The following SLC35G2 variants were observed in gnomAD, a reference collection of about 807,000 sequenced individuals.
SLC35G2 encodes solute carrier family 35 member G2, also known as transmembrane protein 22.
Under a neutral mutation model 27.2 loss-of-function variants are expected in SLC35G2, and 20 were observed. That is an observed-to-expected ratio of 0.74 (90% confidence interval 0.52 to 1.07). The LOEUF is 1.07. SLC35G2 is among the 50% of genes least tolerant of loss of function. SLC35G2 has a pLI of 0.00. For missense variants in SLC35G2, 416 were observed against 493.3 expected (o/e 0.84, Z 1.48); for synonymous variants, 148 against 165.3 (o/e 0.90, Z 0.80).
chr3:136,831,949 C>A (rs1936739838), intron 1 of SLC35G2, among the ~76,000 whole-genome samples: 1 of 150,630 alleles, frequency 6.6e-6, no homozygotes, highest in Non-Finnish European at 1.5e-5. Flanking sequence ...AATAATTATT[C>A]CTGTTAGAGC....
chr3:136,820,617 T>C (rs777974425), intron 1 of SLC35G2: 1 of 152,252 alleles, frequency 6.6e-6, no homozygotes, highest in Non-Finnish European at 1.5e-5. Flanking sequence ...TACAGGTATG[T>C]GCATTTACGC....
intron 1 of SLC35G2, among the ~76,000 whole-genome samples, chr3:136,849,971 G>C (rs1937574402): frequency 1.3e-5 from 2 of 152,134 alleles, no homozygotes; most frequent in South Asian, 4.1e-4. Flanking sequence ...GCCAGGCGTA[G>C]TGGCACATGC....
At chr3:136,834,058 CATT>C (rs1238809712) in intron 1 of SLC35G2, among the ~76,000 whole-genome samples, 3 of 151,830 alleles carry the variant, frequency 2.0e-5, no homozygotes, top group African/African-American at 7.3e-5. Context: ...TGCATATTCT[CATT>C]ATCACCAGAT....
chr3:136,833,455 G>A (rs947614579), intron 1 of SLC35G2, among the ~76,000 whole-genome samples: 1 of 152,172 alleles, frequency 6.6e-6, no homozygotes, highest in African/African-American at 2.4e-5. Flanking sequence ...ATGCTGTAGA[G>A]CAGTCATCCC....
chr3:136,842,361 T>C (rs1238305654), intron 1 of SLC35G2: 1 of 152,218 alleles, frequency 6.6e-6, no homozygotes, highest in Non-Finnish European at 1.5e-5. Flanking sequence ...GATTTAAAGC[T>C]CTTCAATGAT....
Position 136,854,823 on chromosome 3 carries a change from C to G in SLC35G2, c.363C>G (p.Ile121Met). Residue 121 changes from isoleucine to methionine, a missense_variant, in exon 2 of 2, where the codon ATC becomes ATG. Physicochemically the swap from Ile to Met is conservative, Grantham distance 10. Coordinates refer to ENST00000446465, the MANE Select transcript of SLC35G2 (RefSeq NM_025246.3). ...SALAHGCVALITRLVSDRSKV... is the reference protein window; with the variant it reads ...SALAHGCVALMTRLVSDRSKV... The stretch of plus-strand genomic sequence containing the variant: ...TGGCTCATGGATGTGTAGCTCTTAT[C>G]ACTAGGCTTGTTTCTGATCGGTCTA... 6.2e-7 allele frequency: 1 copy of G among 1,614,158 alleles called. No homozygotes were observed. The highest frequency in any genetic ancestry group is 8.5e-7 in the Non-Finnish European group (1 of 1,180,030).
chr3:136,848,494 C>T (rs557774759), intron 1 of SLC35G2, among the ~76,000 whole-genome samples: 74 of 152,150 alleles, frequency 4.9e-4, no homozygotes, highest in Non-Finnish European at 2.9e-5. Context: ...TGGCAGGCAT[C>T]TGAAGCCCCA....
At chr3:136,826,489 A>G (rs1936589413) in intron 1 of SLC35G2, among the ~76,000 whole-genome samples, 1 of 152,032 alleles carries the variant, frequency 6.6e-6, no homozygotes, top group Non-Finnish European at 1.5e-5. Flanking sequence ...TCATGGATCA[A>G]TCTTGGTGTT....
chr3:136,824,124 C>G (rs1936528760), intron 1 of SLC35G2, among the ~76,000 whole-genome samples: 1 of 152,106 alleles, frequency 6.6e-6, no homozygotes, highest in South Asian at 2.1e-4. Context: ...GTTACTATAG[C>G]TCTGTAGTAT....
At chr3:136,835,951 AT>A (rs1341975940) in intron 1 of SLC35G2, among the ~76,000 whole-genome samples, 1 of 151,928 alleles carries the variant, frequency 6.6e-6, no homozygotes. Context: ...CTCTTCTGGT[AT>A]TTTTTCTGCC....
In SLC35G2 at chr3:136,855,687, T is replaced by A. The variant is rs752342573; in HGVS notation, c.1227T>A (p.Ser409=). The A allele has an allele frequency of 1.3e-6, 2 of 1,595,128 alleles. No individual in the cohort carries two copies. Among genetic ancestry groups the A allele is most frequent in the Admixed American group, 3.3e-5 (2 of 59,854 alleles). The part of the protein sequence containing the change: ...RKQDYQEILD[S]PIK ...AGGACTACCAGGAAATACTAGACTCTCCCATTAAATGAATACCTGATTATT... is the reference window on the plus strand; with the variant it reads ...AGGACTACCAGGAAATACTAGACTCACCCATTAAATGAATACCTGATTATT... The change falls in exon 2 of 2, where the codon TCT becomes TCA. Residue 409 remains serine, a synonymous_variant. Coordinates refer to ENST00000446465, the MANE Select transcript of SLC35G2 (RefSeq NM_025246.3).
chr3:136,840,738 C>T (rs1179565912), intron 1 of SLC35G2, among the ~76,000 whole-genome samples: 6 of 151,950 alleles, frequency 3.9e-5, no homozygotes, highest in African/African-American at 1.5e-4. Context: ...ATTCTCCTGC[C>T]TCAGCCTCCC....
At chr3:136,835,257 A>G (rs1443383538) in intron 1 of SLC35G2, among the ~76,000 whole-genome samples, 3 of 149,586 alleles carry the variant, frequency 2.0e-5, no homozygotes, top group African/African-American at 2.5e-5. Flanking sequence ...CATTTCCTCA[A>G]TCCTTCCTTA....
At chr3:136,839,065 C>T (rs1936986432) in intron 1 of SLC35G2, 1 of 151,686 alleles carries the variant, frequency 6.6e-6, no homozygotes, top group Non-Finnish European at 1.5e-5. Context: ...ACAGCTTCAC[C>T]CAGCACAGCT....
intron 1 of SLC35G2, among the ~76,000 whole-genome samples, chr3:136,830,857 A>G (rs576378568): frequency 2.6e-5 from 4 of 152,174 alleles, no homozygotes; most frequent in Non-Finnish European, 5.9e-5. Flanking sequence ...TCAGTATGTC[A>G]ATTGCATTTT....
intron 1 of SLC35G2, among the ~76,000 whole-genome samples, chr3:136,827,216 T>G (rs1484970670): frequency 6.6e-6 from 1 of 151,966 alleles, no homozygotes; most frequent in Admixed American, 6.6e-5. Flanking sequence ...CTACTAAGTT[T>G]TTTTTTTTTC....
intron 1 of SLC35G2, among the ~76,000 whole-genome samples, chr3:136,853,714 C>T (rs1276042910): frequency 6.6e-6 from 1 of 152,002 alleles, no homozygotes; most frequent in Non-Finnish European, 1.5e-5. Context: ...TTCTTATTCC[C>T]CCCCTTTTTT....
chr3:136,840,013 A>G (rs1576898284), intron 1 of SLC35G2, among the ~76,000 whole-genome samples: 1 of 152,236 alleles, frequency 6.6e-6, no homozygotes, highest in South Asian at 2.1e-4. Context: ...TCAGCCCAAA[A>G]TTTCTTAGTC....
At chr3:136,841,719 G>A (rs1042015111) in intron 1 of SLC35G2, 5 of 148,004 alleles carry the variant, frequency 3.4e-5, no homozygotes, top group African/African-American at 1.2e-4. Context: ...CAACAAGAGT[G>A]AAACTCCGCC....
Sources: allele counts gnomAD v4.1 joint callset (sites outside exome capture counted in the v4.1 genomes callset), GRCh38; gene constraint gnomAD v4.1.1; transcripts MANE v1.5; gene names NCBI Gene and HGNC (gene_info 2026-07-23, HGNC 2026-07-21).